USP16: variants seen among roughly 807,000 people sequenced by gnomAD.
USP16 encodes the protein ubiquitin specific peptidase 16, also known as ubiquitin carboxyl-terminal hydrolase 16.
Under a neutral mutation model 95.9 loss-of-function variants are expected in USP16, and 77 were observed. The ratio of observed to expected loss-of-function variants is 0.80; its 90% CI spans 0.67 to 0.97. The LOEUF (loss-of-function observed/expected upper bound fraction) is 0.97, where lower values mean the gene tolerates loss of function less well. Among genes scored for constraint, USP16 ranks in the 50% least tolerant of loss-of-function variants. The pLI, the probability that USP16 is intolerant of heterozygous loss-of-function variation, is 0.00. For synonymous variants in USP16, 303 were observed against 318.2 expected (o/e 0.95, Z 0.51); for missense variants, 943 against 959.9 (o/e 0.98, Z 0.23).
chr21:29,053,988 A>G, intron 17 of USP16, 30 bp downstream of exon 17: 2 of 1,613,378 alleles, frequency 1.2e-6, no homozygotes, highest in East Asian at 2.2e-5. Context: ...TCAGGCACTC[A>G]GCAGATTACG....
intron 13 of USP16, among the ~76,000 whole-genome samples, chr21:29,045,931 G>A (rs1282024678): frequency 1.3e-5 from 2 of 152,068 alleles, no homozygotes; most frequent in East Asian, 1.9e-4. Flanking sequence ...TCAGCCTCCC[G>A]AGTAGCTGGG....
At chr21:29,038,955 T>G in intron 7 of USP16, 71 bp from the exon 8 acceptor site, 4 of 1,393,954 alleles carry the variant, frequency 2.9e-6, no homozygotes, top group Non-Finnish European at 3.8e-6. Context: ...ATATGTTAAC[T>G]AATTAGATTT....
At chr21:29,041,217 G>A (rs1231545213) in intron 10 of USP16, among the ~76,000 whole-genome samples, 1 of 151,956 alleles carries the variant, frequency 6.6e-6, no homozygotes, top group Non-Finnish European at 1.5e-5. Context: ...AGTGACTAAG[G>A]GCACTGTATT....
chr21:29,041,122 C>T lies in USP16; in HGVS notation c.1030+435C>T, dbSNP rs80190648. Among the ~76,000 whole-genome samples, 1,095 of 152,164 alleles carry T rather than the reference C, an allele frequency of 7.2e-3. 12 individuals are homozygous for T. The highest frequency in any genetic ancestry group is 0.025 in the African/African-American group (1,035 of 41,516). On this transcript the variant is annotated intron_variant, in intron 10 of 17. Coordinates refer to ENST00000399976, the MANE Select transcript of USP16 (RefSeq NM_006447.3). ...TGTTCCATATAGAAGCAACTAGGCA[C>T]GTGTGGCGCCTGAAATGTGACTGGT... is the stretch of plus-strand genomic sequence containing the variant.
Position 29,047,309 on chromosome 21 carries a change from G to C in USP16, c.1999G>C (p.Ala667Pro). The change falls in exon 14 of 18, where the codon GCA becomes CCA. Residue 667 changes from alanine to proline, a missense_variant. Physicochemically the swap from Ala to Pro is conservative, Grantham distance 27. Transcript: ENST00000399976. ...CTRRQCNGPK[A>P]NIKGERKHVY... is the part of the protein sequence containing the mutation. ...ACGGAGACAGTGTAATGGACCAAAG[G>C]CAAATATAAAAGGTATTTTAATGCT... 6.2e-7 allele frequency: 1 copy of C among 1,603,844 alleles called. No homozygotes were observed. Among genetic ancestry groups the C allele is most frequent in the Non-Finnish European group, 8.5e-7 (1 of 1,175,860 alleles).
intron 14 of USP16, 145 bp downstream of exon 14, chr21:29,047,466 A>T: frequency 1.0e-6 from 1 of 995,454 alleles, no homozygotes. Flanking sequence ...AGGATGGAAA[A>T]GTAGGACTTT....
At position 29,053,863 on chromosome 21, in the gene USP16, G is replaced by A; in HGVS notation, c.2255G>A (p.Gly752Asp). ...YSLYGVVEHS[G>D]TMRSGHYTAY... ...TTATATGGAGTTGTTGAACACAGTG[G>A]TACTATGAGGTCGGGGCATTACACT... Residue 752 changes from glycine to aspartate, a missense_variant, in exon 17 of 18, where the codon GGT becomes GAT. Transcript: ENST00000399976. The A allele has an allele frequency of 6.2e-7, 1 of 1,614,188 alleles. No individual in the cohort carries two copies. The highest frequency in any genetic ancestry group is 8.5e-7 in the Non-Finnish European group (1 of 1,180,040).
chr21:29,035,035 A>T, intron 4 of USP16, 95 bp downstream of exon 4: 1 of 1,208,012 alleles, frequency 8.3e-7, no homozygotes, highest in Non-Finnish European at 1.2e-6. Context: ...GCAATTTAAA[A>T]TTTTTGTAGT....
Position 29,030,641 on chromosome 21 carries a change from G to A in USP16, c.108G>A (p.Leu36=). ...HIRKGLEQGN[L]KKALVNVEWN... Reference sequence around the variant, plus strand: ...GAAAAGGATTGGAACAAGGTAATTTGAAAAAGGCTTTAGTGAATGTGGAAT... The same window carrying A: ...GAAAAGGATTGGAACAAGGTAATTTAAAAAAGGCTTTAGTGAATGTGGAAT... The change falls in exon 3 of 18, where the codon TTG becomes TTA. Residue 36 remains leucine (L), a synonymous_variant. Coordinates refer to ENST00000399976, the MANE Select transcript of USP16 (RefSeq NM_006447.3). 1.2e-6 allele frequency: 2 copies of A among 1,613,412 alleles called. No individual in the cohort carries two copies. Among genetic ancestry groups the A allele is most frequent in the Non-Finnish European group, 1.7e-6 (2 of 1,179,760 alleles).
At position 29,048,927 on chromosome 21, in the gene USP16, T is replaced by G. The variant is rs549473342; in HGVS notation, c.2106+72T>G. ...TTATTACCTATTTTTTTCATTACTG[T>G]CTCAACATACTACTTTGTTTCTTTG... On this transcript the variant is annotated intron_variant, in intron 15 of 17. Transcript: ENST00000399976. 6 of 1,127,848 alleles carry G rather than the reference T, an allele frequency of 5.3e-6. No homozygotes were observed. In the African/African-American group the frequency reaches 7.8e-5, roughly 15 times the overall value. 69.9% of individuals were successfully genotyped at this position (1,127,848 alleles called of 1,614,324 possible).
Position 29,053,931 on chromosome 21 carries a change from C to G in USP16, c.2323C>G (p.Leu775Val), listed in dbSNP as rs769986465. The G allele has an allele frequency of 6.2e-7, 1 of 1,614,242 alleles. No homozygotes were observed. Among genetic ancestry groups the G allele is most frequent in the Non-Finnish European group, 8.5e-7 (1 of 1,180,042 alleles). ...ARTANSHLSN[L>V]VLHGDIPQDF... ...AACCGCAAATAGTCATCTCTCTAAT[C>G]TTGTTCTTCACGGTGATATTCCACA... Residue 775 changes from leucine (L) to valine (V), a missense_variant, in exon 17 of 18, where the codon CTT becomes GTT. By Grantham distance (32) the Leu-to-Val change is conservative. Transcript: ENST00000399976.
At chr21:29,025,254 C>G (rs2084969929) in intron 1 of USP16, among the ~76,000 whole-genome samples, 1 of 152,116 alleles carries the variant, frequency 6.6e-6, no homozygotes, top group South Asian at 2.1e-4. Context: ...GTTTTCCACA[C>G]GCTTACATTT....
At position 29,033,224 on chromosome 21, in the gene USP16, G is replaced by A. The variant is rs189342709; in HGVS notation, c.241-1613G>A. ...ACTTTTTTCCCACTAGATACCTTTGGCACTGTTAGCTAATGATTCTTAACT... is the reference window on the plus strand; with the variant it reads ...ACTTTTTTCCCACTAGATACCTTTGACACTGTTAGCTAATGATTCTTAACT... On this transcript the variant is annotated intron_variant, in intron 3 of 17. Coordinates refer to ENST00000399976, the MANE Select transcript of USP16 (RefSeq NM_006447.3). Among the ~76,000 whole-genome samples, 549 of 152,036 alleles carry A rather than the reference G, an allele frequency of 3.6e-3. 5 individuals are homozygous for A. The highest frequency in any genetic ancestry group is 0.012 in the African/African-American group (500 of 41,430).
At chr21:29,048,612 C>T in intron 14 of USP16, 149 bp from the exon 15 acceptor site, 1 of 586,958 alleles carries the variant, frequency 1.7e-6, no homozygotes, top group Non-Finnish European at 2.9e-6. Flanking sequence ...TCTTACTCCA[C>T]AAATTCTACA....
chr21:29,048,680 G>A (rs899502726), intron 14 of USP16, 81 bp from the exon 15 acceptor site: 3 of 1,082,404 alleles, frequency 2.8e-6, no homozygotes, highest in Non-Finnish European at 4.1e-6. Context: ...TTAGATGTTT[G>A]GAATGATTTT....
At chr21:29,027,784 T>A in intron 1 of USP16, 89 bp from the exon 2 acceptor site, 1 of 839,408 alleles carries the variant, frequency 1.2e-6, no homozygotes, top group Non-Finnish European at 2.0e-6. Flanking sequence ...ACATGCATAA[T>A]ATACGTGGCT....
chr21:29,025,923 A>G (rs2084979979), intron 1 of USP16, among the ~76,000 whole-genome samples: 1 of 152,238 alleles, frequency 6.6e-6, no homozygotes, highest in Non-Finnish European at 1.5e-5. Context: ...CAGAAATAAC[A>G]TAAACCCAGA....
At chr21:29,024,904 T>C in intron 1 of USP16, 127 bp downstream of exon 1, 1 of 930,428 alleles carries the variant, frequency 1.1e-6, no homozygotes, top group Non-Finnish European at 1.4e-6. Flanking sequence ...GTAACCCGGC[T>C]ACTTTCCGGT....
rs148804242 is a variant in USP16 at position 29,043,495 on chromosome 21, G to T, written c.1252G>T (p.Glu418Ter). 4 of 1,596,936 alleles carry T rather than the reference G, an allele frequency of 2.5e-6. No homozygotes were observed. Among genetic ancestry groups the T allele is most frequent in the Non-Finnish European group, 3.4e-6 (4 of 1,173,198 alleles). ...VEDEDQDSEE[E>*]KDNDSYIKER... The stretch of plus-strand genomic sequence containing the variant: ...GGATGAAGATCAAGATAGTGAGGAA[G>T]AAAAAGATAACGACAGTTACATAAA... The change falls in exon 13 of 18, where the codon GAA becomes TAA. Residue 418 changes from glutamate to a stop codon, truncating the protein, a stop_gained. Coordinates refer to ENST00000399976, the MANE Select transcript of USP16 (RefSeq NM_006447.3). LOFTEE classifies it high-confidence loss of function.
Sources: allele counts gnomAD v4.1 joint callset (sites outside exome capture counted in the v4.1 genomes callset), GRCh38; gene constraint gnomAD v4.1.1; transcripts MANE v1.5; gene names NCBI Gene and HGNC (gene_info 2026-07-23, HGNC 2026-07-21).